CTDP1: variants seen among roughly 807,000 people sequenced by gnomAD.
CTDP1 encodes the protein RNA polymerase II subunit A C-terminal domain phosphatase.
Under a neutral mutation model 91.8 loss-of-function variants are expected in CTDP1, and 47 were observed. The ratio of observed to expected loss-of-function variants is 0.51; its 90% CI spans 0.41 to 0.65. The LOEUF is 0.65. CTDP1 is among the 30% of genes least tolerant of loss of function. The pLI, the probability that CTDP1 is intolerant of heterozygous loss-of-function variation, is 0.00. For synonymous variants in CTDP1, 656 were observed against 598.5 expected (o/e 1.10, Z -1.40); for missense variants, 1,272 against 1,373.7 (o/e 0.93, Z 1.17).
chr18:79,710,232 G>T (rs2086051848), intron 5 of CTDP1, 114 bp from the exon 6 acceptor site: 1 of 847,368 alleles, frequency 1.2e-6, no homozygotes, highest in Non-Finnish European at 2.0e-6. Flanking sequence ...TTTGGTGCCA[G>T]TTCATCATGT....
downstream of CTDP1, chr18:79,755,792 G>A (rs113674145): frequency 3.4e-3 from 515 of 152,592 alleles, 5 homozygotes; most frequent in African/African-American, 0.012. Flanking sequence ...GTGCTGCAGG[G>A]GCAGCGAGAA....
At chr18:79,721,910 G>A (rs2086352166) in intron 10 of CTDP1, among the ~76,000 whole-genome samples, 2 of 150,524 alleles carry the variant, frequency 1.3e-5, no homozygotes, top group African/African-American at 4.9e-5. Flanking sequence ...TGCAACCTCC[G>A]CCTCCCAGGT....
intron 1 of CTDP1, 61 bp downstream of exon 1, chr18:79,680,322 A>AC: frequency 8.2e-7 from 1 of 1,212,238 alleles, no homozygotes; most frequent in South Asian, 3.6e-5. Context: ...ATCCTGGAGG[A>AC]CCCCCGGGCT....
At chr18:79,749,330 C>G (rs1203972510) in intron 12 of CTDP1, among the ~76,000 whole-genome samples, 1 of 152,112 alleles carries the variant, frequency 6.6e-6, no homozygotes, top group Admixed American at 6.5e-5. Context: ...GCCCCTGCCC[C>G]TGCCCCTGCT....
rs144571514 is a variant in CTDP1 at position 79,740,587 on chromosome 18, G to A, written c.2747+4066G>A. On this transcript the variant is annotated intron_variant, in intron 12 of 12. Transcript: ENST00000613122. ...TTTCCCATGCGTGGCAATGCGTTTC[G>A]TACAGAAGCTGGAGGTCACTCTGCT... 4.2e-3 allele frequency among the ~76,000 whole-genome samples: 635 copies of A among 152,306 alleles called. 12 individuals carry two copies. The highest frequency in any genetic ancestry group is 0.017 in the Middle Eastern group (5 of 294).
chr18:79,710,453 G>T lies in CTDP1; in HGVS notation c.863+17G>T, dbSNP rs1412277388. 6.4e-7 allele frequency: 1 copy of T among 1,561,502 alleles called. No individual in the cohort carries two copies. The highest frequency in any genetic ancestry group is 8.8e-7 in the Non-Finnish European group (1 of 1,132,178). ...AAACCTTAGGTATGTACCCAGCCGCGCTCCTCACAAAGACCTCGCTGTTCA... is the reference window on the plus strand; with the variant it reads ...AAACCTTAGGTATGTACCCAGCCGCTCTCCTCACAAAGACCTCGCTGTTCA... On this transcript the variant is annotated intron_variant, in intron 6 of 12. Transcript: ENST00000613122.
intron 3 of CTDP1, 55 bp from the exon 4 acceptor site, chr18:79,697,805 T>C: frequency 6.2e-7 from 1 of 1,612,424 alleles, no homozygotes; most frequent in East Asian, 2.2e-5. Flanking sequence ...AATGGAGTTT[T>C]ACCTTGGATG....
chr18:79,736,266 C>A, intron 11 of CTDP1, 89 bp from the exon 12 acceptor site: 2 of 1,523,422 alleles, frequency 1.3e-6, no homozygotes, highest in Non-Finnish European at 1.8e-6. Flanking sequence ...CTGCTGCACT[C>A]AGAGCCCTGG....
intron 11 of CTDP1, among the ~76,000 whole-genome samples, chr18:79,735,099 G>A (rs1359663928): frequency 2.0e-5 from 3 of 152,164 alleles, no homozygotes; most frequent in African/African-American, 7.2e-5. Flanking sequence ...GCTGAGCTGT[G>A]ATTTCTGATC....
At chr18:79,751,968 A>C (rs2087011607) in intron 12 of CTDP1, among the ~76,000 whole-genome samples, 2 of 152,262 alleles carry the variant, frequency 1.3e-5, no homozygotes, top group Non-Finnish European at 2.9e-5. Context: ...GGGTAAAATC[A>C]AAACAGGCTG....
intron 1 of CTDP1, among the ~76,000 whole-genome samples, chr18:79,682,150 G>A (rs1158400077): frequency 6.6e-6 from 1 of 152,228 alleles, no homozygotes; most frequent in Non-Finnish European, 1.5e-5. Flanking sequence ...ATTTGCAGCA[G>A]GAGTCCATGC....
chr18:79,722,945 G>A (rs1213493864), intron 10 of CTDP1, among the ~76,000 whole-genome samples: 1 of 152,138 alleles, frequency 6.6e-6, no homozygotes, highest in African/African-American at 2.4e-5. Flanking sequence ...ACAGTAGAGT[G>A]TTTTCTTCTG....
At chr18:79,692,532 A>G (rs1226888389) in intron 1 of CTDP1, among the ~76,000 whole-genome samples, 1 of 152,204 alleles carries the variant, frequency 6.6e-6, no homozygotes, top group Non-Finnish European at 1.5e-5. Flanking sequence ...GCCACCCCAG[A>G]TCCTTCTTCA....
chr18:79,735,468 C>CTCCGACGTGATCCATG (rs2086648455), intron 11 of CTDP1: 1 of 152,498 alleles, frequency 6.6e-6, no homozygotes, highest in Non-Finnish European at 1.5e-5. Flanking sequence ...GCCAACACCA[C>CTCCGACGTGATCCATG]TCCGACGTGA....
In CTDP1 at chr18:79,696,090, C is replaced by T. The variant is rs367866421; in HGVS notation, c.492+20C>T. Reference sequence around the variant, plus strand: ...TCCGAGGTGAGCCGGGCATCAGTGGCGGCGTGTTGGGGAAGCGTGGTGCTC... The same window carrying T: ...TCCGAGGTGAGCCGGGCATCAGTGGTGGCGTGTTGGGGAAGCGTGGTGCTC... On this transcript the variant is annotated intron_variant, in intron 3 of 12. Coordinates refer to ENST00000613122, the MANE Select transcript of CTDP1 (RefSeq NM_004715.5). The T allele has an allele frequency of 1.8e-5, 29 of 1,605,160 alleles. No individual in the cohort carries two copies. Among genetic ancestry groups the T allele is most frequent in the African/African-American group, 1.3e-4 (10 of 74,932 alleles).
intron 9 of CTDP1, 37 bp from the exon 10 acceptor site, chr18:79,717,773 C>T (rs374735790): frequency 8.2e-5 from 132 of 1,613,568 alleles, no homozygotes; most frequent in African/African-American, 4.0e-4. Flanking sequence ...ATCACCCGGA[C>T]GCCCCGCTCA....
chr18:79,697,390 G>A (rs956163896), intron 3 of CTDP1, among the ~76,000 whole-genome samples: 1 of 152,232 alleles, frequency 6.6e-6, no homozygotes, highest in Non-Finnish European at 1.5e-5. Flanking sequence ...CCGATGCGCT[G>A]TTGCCAGGCC....
rs527420183 is a variant in CTDP1 at position 79,702,491 on chromosome 18, A to G, written c.622-2276A>G. Among the ~76,000 whole-genome samples, 10 of 152,214 alleles carry G rather than the reference A, an allele frequency of 6.6e-5. 2 individuals are homozygous for G. In the South Asian group the frequency reaches 2.1e-3, roughly 32 times the overall value. On this transcript the variant is annotated intron_variant, in intron 4 of 12. Transcript: ENST00000613122. ...CGGGTTCAAGCCATTCTTGTGCCTC[A>G]GCCTCCCGAGTAGCTGGGACTACAG...
chr18:79,749,082 G>C (rs1227906249), intron 12 of CTDP1, among the ~76,000 whole-genome samples: 1 of 152,234 alleles, frequency 6.6e-6, no homozygotes, highest in African/African-American at 2.4e-5. Context: ...GTTTTTGTCG[G>C]CCTTGTGAGG....
Sources: allele counts gnomAD v4.1 joint callset (sites outside exome capture counted in the v4.1 genomes callset), GRCh38; gene constraint gnomAD v4.1.1; transcripts MANE v1.5; gene names NCBI Gene and HGNC (gene_info 2026-07-23, HGNC 2026-07-21).